The following PRPF19 variants were observed in gnomAD, a reference collection of about 807,000 sequenced individuals.
PRPF19 encodes the protein pre-mRNA processing factor 19.
A neutral mutation model predicts 64.2 loss-of-function variants in PRPF19; 2 were observed. That is an observed-to-expected ratio of 0.03 (90% CI 0.01 to 0.10). The LOEUF is 0.10. Ranked by LOEUF, PRPF19 falls within the 10% of genes least tolerant of loss-of-function variation. The probability of loss-of-function intolerance (pLI) is 1.00; values close to 1 mark genes in which losing one functional copy is unlikely to be tolerated. For synonymous variants in PRPF19, 226 were observed against 251.6 expected (o/e 0.90, Z 0.96); for missense variants, 314 against 650.0 (o/e 0.48, Z 5.62).
intron 15 of PRPF19, among the ~76,000 whole-genome samples, chr11:60,892,053 A>T (rs1855866671): frequency 6.6e-6 from 1 of 152,156 alleles, no homozygotes; most frequent in Admixed American, 6.6e-5. Context: ...AGCATCAGGC[A>T]CCCTGTTACC....
At chr11:60,900,405 G>C (rs149841983) in intron 10 of PRPF19, among the ~76,000 whole-genome samples, 177 bp downstream of exon 10, 2 of 152,176 alleles carry the variant, frequency 1.3e-5, no homozygotes, top group Non-Finnish European at 2.9e-5. Context: ...GCTTTAGAAG[G>C]TCTCACGCAG....
chr11:60,901,475 C>G, intron 7 of PRPF19, 24 bp downstream of exon 7: 1 of 1,614,180 alleles, frequency 6.2e-7, no homozygotes, highest in Non-Finnish European at 8.5e-7. Context: ...AGCTCTTTCT[C>G]CAGGCTTCAG....
chr11:60,892,355 C>T (rs926015822), intron 15 of PRPF19, among the ~76,000 whole-genome samples: 1 of 152,228 alleles, frequency 6.6e-6, no homozygotes, highest in South Asian at 2.1e-4. Context: ...GTTTTATTCA[C>T]TGCTCTATCC....
intron 3 of PRPF19, 139 bp from the exon 4 acceptor site, chr11:60,903,020 A>T: frequency 7.2e-7 from 1 of 1,393,306 alleles, no homozygotes; most frequent in Non-Finnish European, 9.6e-7. Context: ...ATCCGAGCAA[A>T]CACGAATGTG....
intron 8 of PRPF19, among the ~76,000 whole-genome samples, 171 bp downstream of exon 8, chr11:60,901,124 T>A (rs537407746): frequency 6.6e-6 from 1 of 152,288 alleles, no homozygotes; most frequent in Admixed American, 6.5e-5. Flanking sequence ...AACCCACAGC[T>A]GGGCAGAAAG....
chr11:60,903,722 G>A lies in PRPF19; in HGVS notation c.159C>T (p.Ile53=), dbSNP rs750336366. ...NNQPLSEEQL[I]DIKVAHPIRP... ...GCAGCCAATAGGCACCTTTGATGTC[G>A]ATGAGCTGCTCCTCGGAGAGAGGCT... Residue 53 remains isoleucine, a synonymous_variant, in exon 2 of 16, where the codon ATC becomes ATT. Coordinates refer to ENST00000227524, the MANE Select transcript of PRPF19 (RefSeq NM_014502.5). 1.6e-5 allele frequency: 26 copies of A among 1,595,250 alleles called. No homozygotes were observed. The highest frequency in any genetic ancestry group is 1.2e-4 in the African/African-American group (9 of 73,322).
intron 15 of PRPF19, among the ~76,000 whole-genome samples, chr11:60,892,202 G>T (rs1394560034): frequency 6.6e-6 from 1 of 152,254 alleles, no homozygotes; most frequent in African/African-American, 2.4e-5. Context: ...TGTTAGGTTA[G>T]AAACCCTGTT....
intron 15 of PRPF19, among the ~76,000 whole-genome samples, chr11:60,892,155 T>C (rs1213580017): frequency 1.3e-5 from 2 of 152,160 alleles, no homozygotes; most frequent in Admixed American, 6.5e-5. Flanking sequence ...GAGTTCAAGA[T>C]CTGAAAGGGA....
Position 60,903,547 on chromosome 11 carries a change from G to C in PRPF19, c.170-12C>G. On this transcript the variant is annotated splice_polypyrimidine_tract_variant and intron_variant, in intron 2 of 15. Transcript: ENST00000227524. ...GATTGGGTGAGCAACTGCCGAAAGG[G>C]AAAGCAGGTATGAAGAACATAACCC... 1 of 1,613,798 alleles carries C rather than the reference G, an allele frequency of 6.2e-7. No homozygotes were observed. Among genetic ancestry groups the C allele is most frequent in the Non-Finnish European group, 8.5e-7 (1 of 1,179,836 alleles).
chr11:60,903,777 G>T lies in PRPF19; in HGVS notation c.104C>A (p.Ala35Glu), dbSNP rs577035765. The T allele has an allele frequency of 1.2e-6, 2 of 1,605,044 alleles. No individual in the cohort carries two copies. The highest frequency in any genetic ancestry group is 1.7e-6 in the Non-Finnish European group (2 of 1,177,952). ...GTTGATGGGGTCGGTACCATTCTCC[G>T]CAATGTACTTCTCGATGAGCCGCCG... ...YERRLIEKYI[A>E]ENGTDPINNQ... Residue 35 changes from alanine to glutamate, a missense_variant, in exon 2 of 16, where the codon GCG (alanine) becomes GAG (glutamate). Ala to Glu is a moderately radical substitution (Grantham distance 107, BLOSUM62 -1). Transcript: ENST00000227524.
intron 15 of PRPF19, 101 bp downstream of exon 15, chr11:60,897,745 T>C: frequency 1.0e-6 from 1 of 966,224 alleles, no homozygotes; most frequent in Non-Finnish European, 1.6e-6. Flanking sequence ...GAAAGCTGCT[T>C]AGGTAAATTC....
In PRPF19 at chr11:60,898,836, A is replaced by T. The variant is rs141274732; in HGVS notation, c.1054+26T>A. 7.5e-4 allele frequency: 1,167 copies of T among 1,555,718 alleles called. 9 individuals are homozygous for T. The African/African-American group carries it at 0.014, about 19-fold the overall frequency. ...ATAAATAATAAACAGCAAACAAAAA[A>T]GCTGAGTGCCTATGAGGCAACTTAC... On this transcript the variant is annotated intron_variant, in intron 12 of 15. Coordinates refer to ENST00000227524, the MANE Select transcript of PRPF19 (RefSeq NM_014502.5). This position sits in a 1 kb window ranked among gnomAD's most constrained non-coding sequence, Gnocchi z 4.6.
Position 60,903,436 on chromosome 11 carries a change from C to T in PRPF19, c.246+23G>A, listed in dbSNP as rs1369452940. ...GCATTCTCTTCAAGTGGGGAAGATGCTGATTCTCTTGCAGGAACTCACCCA... is the reference window on the plus strand; with the variant it reads ...GCATTCTCTTCAAGTGGGGAAGATGTTGATTCTCTTGCAGGAACTCACCCA... On this transcript the variant is annotated intron_variant, in intron 3 of 15. Transcript: ENST00000227524. 4 of 1,600,694 alleles carry T rather than the reference C, an allele frequency of 2.5e-6. No individual in the cohort carries two copies. The South Asian group carries it at 3.4e-5, about 13-fold the overall frequency.
chr11:60,891,362 T>A, intron 15 of PRPF19, 99 bp from the exon 16 acceptor site: 1 of 889,572 alleles, frequency 1.1e-6, no homozygotes. Flanking sequence ...AGGCCTTCTC[T>A]AATTAGTATT....
chr11:60,902,718 G>A lies in PRPF19; in HGVS notation c.388+22C>T. ...AATGCAGAACCAGCCCAGGGTGGGG[G>A]ATGGCAGGGGAGAGGCTGCACCTTC... On this transcript the variant is annotated intron_variant, in intron 4 of 15. Coordinates refer to ENST00000227524, the MANE Select transcript of PRPF19 (RefSeq NM_014502.5). This position sits in a 1 kb window ranked among gnomAD's most constrained non-coding sequence, Gnocchi z 5.0. 1 of 1,614,202 alleles carries A rather than the reference G, an allele frequency of 6.2e-7. No individual in the cohort carries two copies.
chr11:60,899,248 A>G lies in PRPF19; in HGVS notation c.885T>C (p.Asn295=). The part of the protein sequence containing the change: ...DATIRIWSVP[N]ASCVQVVRAH... ...CCCGAACCACCTGTACACAAGAGGC[A>G]TTGGGGACCGACCAAATCCTGATAG... Residue 295 remains asparagine, a synonymous_variant, in exon 11 of 16, where the codon AAT becomes AAC. Transcript: ENST00000227524. 6.2e-7 allele frequency: 1 copy of G among 1,613,842 alleles called. No homozygotes were observed. Among genetic ancestry groups the G allele is most frequent in the Non-Finnish European group, 8.5e-7 (1 of 1,179,668 alleles).
intron 15 of PRPF19, among the ~76,000 whole-genome samples, chr11:60,893,513 A>AG (rs1405450444): frequency 1.3e-5 from 2 of 149,750 alleles, no homozygotes; most frequent in African/African-American, 4.9e-5. Context: ...CAAAAAAAAA[A>AG]AAAGTATAAC....
At chr11:60,900,833 G>A (rs747342987) in intron 9 of PRPF19, 21 bp downstream of exon 9, 25 of 1,613,894 alleles carry the variant, frequency 1.5e-5, no homozygotes, top group African/African-American at 4.0e-5. Flanking sequence ...TTGGCCTGCC[G>A]GGCTAGGCCC....
Position 60,901,550 on chromosome 11 carries a change from A to C in PRPF19, c.526-10T>G. On this transcript the variant is annotated splice_polypyrimidine_tract_variant and intron_variant, in intron 6 of 15. Transcript: ENST00000227524. ...TGGCTTTGTCTTGAAGCTGGGGAAG[A>C]ACAGGCTCAATGTGAGACAAATCAT... 6.2e-7 allele frequency: 1 copy of C among 1,614,154 alleles called. No homozygotes were observed. The highest frequency in any genetic ancestry group is 8.5e-7 in the Non-Finnish European group (1 of 1,180,028).
Sources: allele counts gnomAD v4.1 joint callset (sites outside exome capture counted in the v4.1 genomes callset), GRCh38; gene constraint gnomAD v4.1.1; non-coding constraint Gnocchi (gnomAD v3.1); transcripts MANE v1.5; gene names NCBI Gene and HGNC (gene_info 2026-07-23, HGNC 2026-07-21).